Variants in TMEM178B observed in about 807,000 individuals in gnomAD.
TMEM178B encodes transmembrane protein 178B.
Under a neutral mutation model 31.0 loss-of-function variants are expected in TMEM178B, and 5 were observed. The observed-to-expected ratio is 0.16, with a 90% confidence interval of 0.08 to 0.34. The LOEUF is 0.34. TMEM178B is among the 10% of genes least tolerant of loss of function. The pLI, the probability that TMEM178B is intolerant of heterozygous loss-of-function variation, is 1.00. For missense variants in TMEM178B, 275 were observed against 400.3 expected (o/e 0.69, Z 2.67); for synonymous variants, 164 against 164.0 (o/e 1.00, Z 0.00).
At chr7:141,504,794 G>A in the TMEM178B span, among the ~76,000 whole-genome samples, 1 of 152,228 alleles carries the variant, frequency 6.6e-6, no homozygotes, top group African/African-American at 2.4e-5. Flanking sequence ...CATCACCTGG[G>A]TAGTGTATAT....
chr7:141,384,137 G>C (rs1800384830), intron 2 of TMEM178B, among the ~76,000 whole-genome samples: 1 of 152,160 alleles, frequency 6.6e-6, no homozygotes. Context: ...CAGACGAGTA[G>C]ATTGCAAAAA....
At chr7:141,229,893 A>C (rs1406822475) in intron 2 of TMEM178B, among the ~76,000 whole-genome samples, 1 of 152,182 alleles carries the variant, frequency 6.6e-6, no homozygotes, top group Non-Finnish European at 1.5e-5. Flanking sequence ...ACCAACAACA[A>C]AAAGAGACAA....
chr7:141,244,015 G>T (rs1052141320), intron 2 of TMEM178B, among the ~76,000 whole-genome samples: 1 of 152,156 alleles, frequency 6.6e-6, no homozygotes, highest in Admixed American at 6.5e-5. Context: ...CGGGGCTGCG[G>T]ACATTTTGGG....
At chr7:141,504,279 A>T in the TMEM178B span, among the ~76,000 whole-genome samples, 1 of 152,206 alleles carries the variant, frequency 6.6e-6, no homozygotes, top group Non-Finnish European at 1.5e-5. Flanking sequence ...CTTGTATTTA[A>T]TCCCGTGTGT....
At chr7:141,491,455 T>C in the TMEM178B span, among the ~76,000 whole-genome samples, 2 of 152,232 alleles carry the variant, frequency 1.3e-5, no homozygotes, top group Non-Finnish European at 2.9e-5. Flanking sequence ...TTTTCATAAA[T>C]CCAAACTTCT....
intron 1 of TMEM178B, among the ~76,000 whole-genome samples, chr7:141,161,667 G>T (rs1047309843): frequency 5.3e-5 from 8 of 152,130 alleles, no homozygotes; most frequent in Non-Finnish European, 7.4e-5. Context: ...TGCGGGCCTG[G>T]GCGTGGGTGC....
chr7:141,222,904 G>A (rs1797278465), intron 2 of TMEM178B, among the ~76,000 whole-genome samples: 1 of 152,210 alleles, frequency 6.6e-6, no homozygotes, highest in Admixed American at 6.5e-5. Flanking sequence ...GGTAGCAGCA[G>A]CAGAAGCAGC....
chr7:141,206,787 A>G (rs761586339), intron 1 of TMEM178B, among the ~76,000 whole-genome samples: 4 of 148,298 alleles, frequency 2.7e-5, no homozygotes, highest in African/African-American at 5.0e-5. Flanking sequence ...TTTGCTGTTA[A>G]TGTAGTAAGG....
At chr7:141,460,140 T>C (rs913137447) in intron 3 of TMEM178B, among the ~76,000 whole-genome samples, 2 of 152,234 alleles carry the variant, frequency 1.3e-5, no homozygotes, top group Admixed American at 6.5e-5. Context: ...TCAGGGATGC[T>C]ATGACAAAAT....
intron 1 of TMEM178B, among the ~76,000 whole-genome samples, chr7:141,086,060 C>A (rs189210553): frequency 1.3e-5 from 2 of 151,812 alleles, no homozygotes; most frequent in Admixed American, 6.6e-5. Context: ...TTTTTGAGAC[C>A]GAGTCTTACT....
At chr7:141,281,709 A>G (rs1185557830) in intron 2 of TMEM178B, among the ~76,000 whole-genome samples, 1 of 152,212 alleles carries the variant, frequency 6.6e-6, no homozygotes, top group East Asian at 1.9e-4. Context: ...CCAAGTCTCC[A>G]ACGATGGGTC....
At chr7:141,373,033 G>A (rs1800147086) in intron 2 of TMEM178B, among the ~76,000 whole-genome samples, 1 of 152,200 alleles carries the variant, frequency 6.6e-6, no homozygotes, top group African/African-American at 2.4e-5. Flanking sequence ...CAGACACTTA[G>A]TAGCTGTGTG....
chr7:141,144,421 C>A (rs1454653376), intron 1 of TMEM178B, among the ~76,000 whole-genome samples: 1 of 152,038 alleles, frequency 6.6e-6, no homozygotes, highest in African/African-American at 2.4e-5. Context: ...TAGCTGAGGG[C>A]AAAGAAGTAC....
In TMEM178B at chr7:141,074,557, CG is replaced by C; in HGVS notation, c.249del (p.Asn84IlefsTer8). On this transcript the variant is annotated frameshift_variant, in exon 1 of 4. Coordinates refer to ENST00000565468, the MANE Select transcript of TMEM178B (RefSeq NM_001195278.2). LOFTEE classifies it high-confidence loss of function. This position sits in a 1 kb window ranked among gnomAD's most constrained non-coding sequence, Gnocchi z 5.1. The stretch of plus-strand genomic sequence containing the variant: ...CTGGGAGGGCAAACTCCTCCGGGCC[CG>C]GAATCGCCGGCAGCTGTTCGCCATG... ...DRWEGKLLRARNRRQLFAMSP... is the reference protein window; with the variant it reads ...DRWEGKLLRAXNRRQLFAMSP... 1 of 1,535,956 alleles carries C rather than the reference CG, an allele frequency of 6.5e-7. No individual in the cohort carries two copies. Among genetic ancestry groups the C allele is most frequent in the Non-Finnish European group, 8.7e-7 (1 of 1,146,774 alleles).
chr7:141,255,558 C>T (rs2116348567), intron 2 of TMEM178B, among the ~76,000 whole-genome samples: 1 of 152,146 alleles, frequency 6.6e-6, no homozygotes. Context: ...AGAATTTTAA[C>T]ATGAATTTTA....
chr7:141,436,803 A>C (rs114501701), intron 2 of TMEM178B, among the ~76,000 whole-genome samples: 1,529 of 152,248 alleles, frequency 0.01, 28 homozygotes, highest in African/African-American at 0.035. Flanking sequence ...TGCTAAAAAT[A>C]CTGCCTTTCC....
At chr7:141,269,564 A>G (rs1040914350) in intron 2 of TMEM178B, among the ~76,000 whole-genome samples, 1 of 152,230 alleles carries the variant, frequency 6.6e-6, no homozygotes, top group Non-Finnish European at 1.5e-5. Flanking sequence ...TGATGGAGCT[A>G]TGTTGAGAAA....
Position 141,476,084 on chromosome 7 carries a change from A to G in TMEM178B, c.*5298A>G, listed in dbSNP as rs1274752712. 3 of 152,216 alleles carry G rather than the reference A, an allele frequency of 2.0e-5. No homozygotes were observed. The highest frequency in any genetic ancestry group is 6.5e-5 in the Admixed American group (1 of 15,284). 9.4% of individuals were successfully genotyped at this position (152,216 alleles called of 1,614,324 possible). ...CATATGAGTTATGTATGTTCTAATTATCCCTCAGAAGACCCCCCGCTGGAA... is the reference window on the plus strand; with the variant it reads ...CATATGAGTTATGTATGTTCTAATTGTCCCTCAGAAGACCCCCCGCTGGAA... On this transcript the variant is annotated 3_prime_UTR_variant, in exon 4 of 4. Coordinates refer to ENST00000565468, the MANE Select transcript of TMEM178B (RefSeq NM_001195278.2).
chr7:141,308,542 G>A (rs1479113415), intron 2 of TMEM178B, among the ~76,000 whole-genome samples: 1 of 152,052 alleles, frequency 6.6e-6, no homozygotes, highest in Admixed American at 6.6e-5. Context: ...GGGATTACAG[G>A]CATGAGCCAC....
Sources: gnomAD v4.1 joint callset for allele counts (sites outside exome capture counted in the v4.1 genomes callset) on GRCh38, gnomAD v4.1.1 for gene constraint, Gnocchi (gnomAD v3.1) non-coding constraint, MANE v1.5 for transcripts, NCBI Gene and HGNC (gene_info 2026-07-23, HGNC 2026-07-21) for gene names.